Variants in USP36 observed in about 807,000 individuals in gnomAD.
USP36 encodes the protein ubiquitin specific peptidase 36.
USP36 carries 59 observed loss-of-function variants against 111.5 expected under a neutral mutation model. The ratio of observed to expected loss-of-function variants is 0.53; its 90% CI spans 0.43 to 0.66. The LOEUF (loss-of-function observed/expected upper bound fraction) is 0.66. USP36 is among the 30% of genes least tolerant of loss of function. USP36 has a pLI of 0.00. For synonymous variants in USP36, 628 were observed against 581.0 expected (o/e 1.08, Z -1.16); for missense variants, 1,488 against 1,468.0 (o/e 1.01, Z -0.22).
chr17:78,827,972 C>A (rs997858565), intron 5 of USP36, among the ~76,000 whole-genome samples: 4 of 152,052 alleles, frequency 2.6e-5, no homozygotes, highest in Admixed American at 1.3e-4. Flanking sequence ...GCCTGTAATC[C>A]CAACACTTTG....
intron 2 of USP36, among the ~76,000 whole-genome samples, chr17:78,836,733 T>G (rs1162820114): frequency 4.6e-5 from 7 of 151,986 alleles, no homozygotes; most frequent in African/African-American, 9.7e-5. Flanking sequence ...CATCACGTGG[T>G]CCAAATGTCT....
At chr17:78,806,115 A>T in intron 15 of USP36, 41 bp downstream of exon 15, 2 of 1,611,614 alleles carry the variant, frequency 1.2e-6, no homozygotes, top group Non-Finnish European at 1.7e-6. Flanking sequence ...AACCACAGGG[A>T]GAACCAGTTG....
At chr17:78,790,993 T>A (rs2093578585), downstream of USP36, among the ~76,000 whole-genome samples, 1 of 152,130 alleles carries the variant, frequency 6.6e-6, no homozygotes, top group African/African-American at 2.4e-5. Flanking sequence ...ATGCAAGACA[T>A]GTATCGTGAG....
chr17:78,820,890 CTA>C lies in USP36; in HGVS notation c.828+99_828+100del, dbSNP rs1304088375. 3.9e-6 allele frequency: 5 copies of C among 1,286,942 alleles called. No homozygotes were observed. In the African/African-American group the frequency reaches 5.9e-5, roughly 15 times the overall value. The allele number at this position is 1,286,942 out of a possible 1,614,324, so 79.7% of individuals were successfully genotyped here. The stretch of plus-strand genomic sequence containing the variant: ...GGCAGGGAGCAAAGGAGTTTTCTCC[CTA>C]TCTATTTTGATCTGATGCCTTTACT... On this transcript the variant is annotated intron_variant, in intron 8 of 20. Transcript: ENST00000449938.
chr17:78,834,083 C>T (rs1242367066), intron 4 of USP36, among the ~76,000 whole-genome samples: 1 of 152,028 alleles, frequency 6.6e-6, no homozygotes, highest in Non-Finnish European at 1.5e-5. Flanking sequence ...CCCATCTCTA[C>T]TAAAAATACA....
chr17:78,815,801 TAC>T (rs1481954438), intron 10 of USP36, among the ~76,000 whole-genome samples: 1 of 151,650 alleles, frequency 6.6e-6, no homozygotes, highest in African/African-American at 2.4e-5. Flanking sequence ...CATACATGCA[TAC>T]ATACATCGTA....
rs747199387 is a variant in USP36, at chr17:78,803,853, G to A, written c.2342C>T (p.Ser781Leu). Residue 781 changes from serine to leucine, a missense_variant, in exon 16 of 21, where the codon TCG (serine) becomes TTG (leucine). Physicochemically the swap from Ser to Leu is moderately radical, Grantham distance 145. Around this residue, in one of 3 missense-constraint regions of USP36, gnomAD observed 1,073 missense variants for 994.1 expected, o/e 1.08. Transcript: ENST00000449938. The surrounding 1 kb of genome is among the most constrained non-coding windows in gnomAD (Gnocchi z 4.6). Reference protein sequence around the residue: ...TSEPRSCSSISTALPQVNEDL... With the variant: ...TSEPRSCSSILTALPQVNEDL... ...CTCGTTGACCTGAGGCAGCGCCGTC[G>A]AGATGGAGGAGCAGCTCCGTGGTTC... 23 of 1,612,302 alleles carry A rather than the reference G, an allele frequency of 1.4e-5. No individual in the cohort carries two copies. The highest frequency in any genetic ancestry group is 3.3e-5 in the South Asian group (3 of 91,048).
At position 78,798,696 on chromosome 17, in the gene USP36, C is replaced by T. The variant is rs995793507; in HGVS notation, c.3241-145G>A. The T allele has an allele frequency of 5.7e-5, 75 of 1,326,320 alleles. No individual in the cohort carries two copies. Among genetic ancestry groups the T allele is most frequent in the Admixed American group, 9.8e-5 (5 of 51,222 alleles). The allele number at this position is 1,326,320 out of a possible 1,614,324, so 82.2% of individuals were successfully genotyped here. A position where few individuals can be genotyped will look rare whatever the true frequency, so the allele number is the denominator to read the frequency against. ...CACTCTTCACAATGACCCCTGTGCACGGCGACCTGCAGTCCCCCTATTGAC... is the reference window on the plus strand; with the variant it reads ...CACTCTTCACAATGACCCCTGTGCATGGCGACCTGCAGTCCCCCTATTGAC... On this transcript the variant is annotated intron_variant, in intron 19 of 20. Transcript: ENST00000449938. This position sits in a 1 kb window ranked among gnomAD's most constrained non-coding sequence, Gnocchi z 5.1.
chr17:78,821,325 G>A, intron 7 of USP36: 1 of 331,160 alleles, frequency 3.0e-6, no homozygotes, highest in Non-Finnish European at 5.7e-6. Flanking sequence ...CTCTCCTGCT[G>A]AGGGAGAGCA....
intron 2 of USP36, among the ~76,000 whole-genome samples, 200 bp downstream of exon 2, chr17:78,838,387 C>A (rs187299500): frequency 0.31 from 40,705 of 133,142 alleles, 6,501 homozygotes; most frequent in East Asian, 0.34. Context: ...AAAAAAAAAA[C>A]AAAAAACAAA....
intron 7 of USP36, chr17:78,821,363 G>A (rs1273350129): frequency 1.9e-5 from 4 of 211,744 alleles, no homozygotes; most frequent in Non-Finnish European, 3.7e-5. Context: ...CTCCCTGCAC[G>A]CGTGCACGGC....
chr17:78,803,401 C>T lies in USP36; in HGVS notation c.2794G>A (p.Asp932Asn), dbSNP rs1453883616. Residue 932 changes from aspartate (D) to asparagine (N), a missense_variant, in exon 16 of 21, where the codon GAC becomes AAC. Coordinates refer to ENST00000449938, the MANE Select transcript of USP36 (RefSeq NM_001385174.1). This position sits in a 1 kb window ranked among gnomAD's most constrained non-coding sequence, Gnocchi z 4.6. ...GLGEEGGLHQ[D>N]PLRHSCSPMG... ...TGCCCTTACCTGTGCCGAAGTGGGT[C>T]CTGGTGCAGGCCGCCTTCTTCACCA... is the stretch of plus-strand genomic sequence containing the variant. 2.5e-6 allele frequency: 4 copies of T among 1,613,488 alleles called. No individual in the cohort carries two copies. Among genetic ancestry groups the T allele is most frequent in the Non-Finnish European group, 3.4e-6 (4 of 1,179,702 alleles).
At chr17:78,815,863 A>G (rs1437369753) in intron 10 of USP36, among the ~76,000 whole-genome samples, 3 of 152,192 alleles carry the variant, frequency 2.0e-5, no homozygotes, top group African/African-American at 4.8e-5. Context: ...GCATGCATAC[A>G]CATGTACGCA....
In USP36 at chr17:78,819,976, C is replaced by G; in HGVS notation, c.865G>C (p.Val289Leu). ...ANIVRALELF[V>L]KADVLSGENA... The stretch of plus-strand genomic sequence containing the variant: ...TCTCCACTCAGGACATCTGCTTTCA[C>G]AAAAAGTTCCAGAGCACGCACAATA... Residue 289 changes from valine (V) to leucine (L), a missense_variant, in exon 9 of 21, where the codon GTG becomes CTG. Physicochemically the swap from Val to Leu is conservative, Grantham distance 32. Around this residue, in one of 3 missense-constraint regions of USP36, gnomAD observed 196 missense variants for 264.4 expected, o/e 0.74. Transcript: ENST00000449938. 1 of 1,614,156 alleles carries G rather than the reference C, an allele frequency of 6.2e-7. No individual in the cohort carries two copies. The highest frequency in any genetic ancestry group is 8.5e-7 in the Non-Finnish European group (1 of 1,180,002).
At chr17:78,819,420 C>G (rs1011553214) in intron 9 of USP36, among the ~76,000 whole-genome samples, 1 of 152,172 alleles carries the variant, frequency 6.6e-6, no homozygotes, top group South Asian at 2.1e-4. Flanking sequence ...AAAAATGCAA[C>G]AAATGACAAA....
At chr17:78,791,897 T>G (rs1035145428), downstream of USP36, 9 of 152,210 alleles carry the variant, frequency 5.9e-5, no homozygotes, top group African/African-American at 2.2e-4. Flanking sequence ...GATCCTATAC[T>G]GAGGGGGCAC....
intron 4 of USP36, among the ~76,000 whole-genome samples, chr17:78,832,092 T>C (rs1367981807): frequency 6.6e-6 from 1 of 151,882 alleles, no homozygotes; most frequent in Non-Finnish European, 1.5e-5. Context: ...TTTAGGAAAA[T>C]ATAACTCAAA....
At chr17:78,834,572 G>A (rs1011489646) in intron 4 of USP36, among the ~76,000 whole-genome samples, 2 of 151,634 alleles carry the variant, frequency 1.3e-5, no homozygotes, top group African/African-American at 2.4e-5. Context: ...TCAGCCTCCC[G>A]AGCAGCTGGG....
rs1379271927 is a variant in USP36 at position 78,803,572 on chromosome 17, T to C, written c.2623A>G (p.Arg875Gly). The change falls in exon 16 of 21, where the codon AGG becomes GGG. Residue 875 changes from arginine (R) to glycine (G), a missense_variant. Coordinates refer to ENST00000449938, the MANE Select transcript of USP36 (RefSeq NM_001385174.1). This position sits in a 1 kb window ranked among gnomAD's most constrained non-coding sequence, Gnocchi z 4.6. ...TQRQPGSPMY[R>G]REGQAQLPAV... ...GGCAGCTGTGCCTGGCCCTCCCTCC[T>C]GTACATGGGGCTCCCAGGCTGTCTC... The C allele has an allele frequency of 3.7e-6, 6 of 1,613,220 alleles. No homozygotes were observed. The highest frequency in any genetic ancestry group is 4.5e-5 in the East Asian group (2 of 44,884).
Sources: allele counts gnomAD v4.1 joint callset (sites outside exome capture counted in the v4.1 genomes callset), GRCh38; gene constraint gnomAD v4.1.1; regional missense constraint gnomAD v4.1.1; non-coding constraint Gnocchi (gnomAD v3.1); transcripts MANE v1.5; gene names NCBI Gene and HGNC (gene_info 2026-07-23, HGNC 2026-07-21).